NXPH1: variants seen among roughly 807,000 people sequenced by gnomAD.
NXPH1 encodes neurexophilin 1.
In NXPH1, 5 loss-of-function variants were observed where a neutral mutation model predicts 23.7. That is an observed-to-expected ratio of 0.21 (90% CI 0.11 to 0.44). The LOEUF (loss-of-function observed/expected upper bound fraction) is 0.44. Among genes scored for constraint, NXPH1 ranks in the 20% least tolerant of loss-of-function variants. The pLI, the probability that NXPH1 is intolerant of heterozygous loss-of-function variation, is 0.99. For missense variants in NXPH1, 324 were observed against 321.6 expected, an observed-to-expected ratio of 1.01 and a Z score of -0.06; for synonymous variants, 144 against 122.2, an observed-to-expected ratio of 1.18 and a Z score of -1.18.
At chr7:8,659,576 C>A (rs1179176394) in intron 2 of NXPH1, among the ~76,000 whole-genome samples, 1 of 152,086 alleles carries the variant, frequency 6.6e-6, no homozygotes, top group African/African-American at 2.4e-5. Flanking sequence ...ACACCGGGGC[C>A]TGTCGTGGGG....
At chr7:8,536,690 C>A (rs953443137) in intron 2 of NXPH1, among the ~76,000 whole-genome samples, 12 of 150,012 alleles carry the variant, frequency 8.0e-5, no homozygotes, top group African/African-American at 2.4e-4. Context: ...TGTAAGGGGC[C>A]CAGAGAAGAA....
At chr7:8,695,406 T>G (rs1258855046) in intron 2 of NXPH1, among the ~76,000 whole-genome samples, 3 of 151,766 alleles carry the variant, frequency 2.0e-5, no homozygotes, top group African/African-American at 4.9e-5. Context: ...GAATGTAGTT[T>G]GTTTACAAGA....
chr7:8,730,242 G>A (rs540440197), intron 2 of NXPH1, among the ~76,000 whole-genome samples: 1,593 of 149,414 alleles, frequency 0.011, 22 homozygotes, highest in African/African-American at 0.036. Context: ...GTCTCTGCAC[G>A]TGAGATGGGT....
At chr7:8,689,211 A>G (rs1217299178) in intron 2 of NXPH1, among the ~76,000 whole-genome samples, 1 of 152,104 alleles carries the variant, frequency 6.6e-6, no homozygotes. Flanking sequence ...ATCTCATTCT[A>G]TCCTGTACTA....
chr7:8,480,689 G>C (rs966854231), intron 2 of NXPH1, among the ~76,000 whole-genome samples: 2 of 152,126 alleles, frequency 1.3e-5, no homozygotes, highest in East Asian at 3.9e-4. Flanking sequence ...CCAGAACCTA[G>C]AGTTGATCTT....
intron 2 of NXPH1, among the ~76,000 whole-genome samples, chr7:8,530,280 A>G (rs1817930846): frequency 6.6e-6 from 1 of 152,200 alleles, no homozygotes. Flanking sequence ...TGCCTCAAAT[A>G]TTAATTTTAG....
chr7:8,471,752 G>C (rs567001128), intron 2 of NXPH1, among the ~76,000 whole-genome samples: 1 of 152,002 alleles, frequency 6.6e-6, no homozygotes, highest in Non-Finnish European at 1.5e-5. Context: ...AAACAAGTAC[G>C]CTATTACTCT....
At chr7:8,458,808 G>A (rs1026841186) in intron 2 of NXPH1, among the ~76,000 whole-genome samples, 3 of 152,168 alleles carry the variant, frequency 2.0e-5, no homozygotes, top group South Asian at 2.1e-4. Context: ...ACTTCATAGA[G>A]TAGGAATTAT....
At chr7:8,628,824 T>A (rs961405130) in intron 2 of NXPH1, among the ~76,000 whole-genome samples, 14 of 151,788 alleles carry the variant, frequency 9.2e-5, no homozygotes, top group Admixed American at 7.2e-4. Flanking sequence ...GAACAGACGG[T>A]GGTGCAGTTG....
chr7:8,744,841 A>C (rs908487229), intron 2 of NXPH1, among the ~76,000 whole-genome samples: 1 of 152,148 alleles, frequency 6.6e-6, no homozygotes, highest in Non-Finnish European at 1.5e-5. Flanking sequence ...TATCCCTTAG[A>C]TCCATCATTT....
chr7:8,668,467 G>T (rs1820816862), intron 2 of NXPH1, among the ~76,000 whole-genome samples: 1 of 152,060 alleles, frequency 6.6e-6, no homozygotes. Context: ...TTGATTCTTG[G>T]GTTCAGCAGG....
chr7:8,749,630 A>G (rs116229133), intron 2 of NXPH1, among the ~76,000 whole-genome samples: 2,135 of 152,282 alleles, frequency 0.014, 22 homozygotes, highest in African/African-American at 0.024. Context: ...GGAGGGTCCA[A>G]TGAAGCTGCT....
At chr7:8,640,655 G>A (rs892527982) in intron 2 of NXPH1, among the ~76,000 whole-genome samples, 5 of 152,100 alleles carry the variant, frequency 3.3e-5, no homozygotes, top group African/African-American at 1.2e-4. Context: ...ATTAGCTTAT[G>A]AAGTTCTATC....
chr7:8,533,877 T>G (rs1817987803), intron 2 of NXPH1, among the ~76,000 whole-genome samples: 1 of 152,112 alleles, frequency 6.6e-6, no homozygotes, highest in Non-Finnish European at 1.5e-5. Flanking sequence ...AGGGAATATT[T>G]TGAAATTCTT....
intron 2 of NXPH1, among the ~76,000 whole-genome samples, chr7:8,718,462 TA>T (rs1426941740): frequency 2.0e-5 from 3 of 152,210 alleles, no homozygotes; most frequent in Admixed American, 2.0e-4. Context: ...TTAGACATTT[TA>T]ACCCAATTTA....
At chr7:8,513,679 G>T (rs1463541104) in intron 2 of NXPH1, among the ~76,000 whole-genome samples, 5 of 152,052 alleles carry the variant, frequency 3.3e-5, no homozygotes, top group Admixed American at 3.3e-4. Context: ...TTAGAGATAG[G>T]ATGAAAAAGG....
rs559524959 is a variant in NXPH1 at position 8,710,417 on chromosome 7, T to A, written c.55-40591T>A. Among the ~76,000 whole-genome samples, 12 of 152,342 alleles carry A rather than the reference T, an allele frequency of 7.9e-5. No individual in the cohort carries two copies. The South Asian group carries it at 1.4e-3, about 18-fold the overall frequency. Reference sequence around the variant, plus strand: ...CCATGAGGGAGGAGGGATAGTTTACTAATGTGCGAGGTTTGTTCTCTGTCT... The same window carrying A: ...CCATGAGGGAGGAGGGATAGTTTACAAATGTGCGAGGTTTGTTCTCTGTCT... On this transcript the variant is annotated intron_variant, in intron 2 of 2. Transcript: ENST00000405863.
At chr7:8,648,631 T>C (rs1336930645) in intron 2 of NXPH1, among the ~76,000 whole-genome samples, 2 of 152,142 alleles carry the variant, frequency 1.3e-5, no homozygotes, top group African/African-American at 4.8e-5. Flanking sequence ...AACATGGGAG[T>C]GCCTTTTTAT....
rs148469874 is a variant in NXPH1, at chr7:8,574,153, C to T, written c.54+138386C>T. ...ATATTGTCTATTTAAAATCTGTACA[C>T]GGTTTGCACCTTTTCCCTAAGTGTT... is the stretch of plus-strand genomic sequence containing the variant. On this transcript the variant is annotated intron_variant, in intron 2 of 2. Coordinates refer to ENST00000405863, the MANE Select transcript of NXPH1 (RefSeq NM_152745.3). Among the ~76,000 whole-genome samples the T allele has an allele frequency of 7.0e-4, 106 of 152,192 alleles. No individual in the cohort carries two copies. In the East Asian group the frequency reaches 0.013, roughly 19 times the overall value.
Sources: gnomAD v4.1 joint callset for allele counts (sites outside exome capture counted in the v4.1 genomes callset) on GRCh38, gnomAD v4.1.1 for gene constraint, MANE v1.5 for transcripts, NCBI Gene and HGNC (gene_info 2026-07-23, HGNC 2026-07-21) for gene names.